Variants in MAOA observed in about 807,000 individuals in gnomAD.
MAOA encodes the protein amine oxidase [flavin-containing] A.
Under a neutral mutation model 42.0 loss-of-function variants are expected in MAOA, and 6 were observed. The observed-to-expected ratio is 0.14, with a 90% CI of 0.08 to 0.28. The LOEUF is 0.28. MAOA is among the 10% of genes least tolerant of loss of function. The pLI is 1.00. For missense variants in MAOA, 262 were observed against 422.3 expected (o/e 0.62, Z 3.33); for synonymous variants, 140 against 154.0 (o/e 0.91, Z 0.67).
At position 43,684,581 on chromosome X, in the gene MAOA, G is replaced by A. The variant is rs1180763767; in HGVS notation, c.168+974G>A. ...AAAACAAAACAAAACAAAAACCCTC[G>A]CATTTGACAGAAGTTCATTAATTAA... On this transcript the variant is annotated intron_variant, in intron 2 of 14. Transcript: ENST00000338702. Among the ~76,000 whole-genome samples, 4 of 98,733 alleles carry A rather than the reference G, an allele frequency of 4.1e-5. No homozygotes were observed. In the Admixed American group the frequency reaches 4.4e-4, roughly 11 times the overall value. The allele number at this position is 98,733 out of a possible 115,157, so 85.7% of individuals were successfully genotyped here.
Position 43,742,340 on chromosome X carries a change from T to C in MAOA, c.1262+293T>C, listed in dbSNP as rs767039645. The stretch of plus-strand genomic sequence containing the variant: ...TCCAAGGGGACTTCGTGAGCTCAAC[T>C]TGACATTTAGTCTCACATGACTGCC... On this transcript the variant is annotated intron_variant, in intron 12 of 14. Transcript: ENST00000338702. 4.4e-5 allele frequency among the ~76,000 whole-genome samples: 5 copies of C among 112,426 alleles called. No individual in the cohort carries two copies. In the South Asian group the frequency reaches 1.9e-3, roughly 42 times the overall value.
chrX:43,655,387 C>T (rs929508631), upstream of MAOA: 5 of 112,381 alleles, frequency 4.4e-5, no homozygotes, highest in African/African-American at 1.6e-4. Flanking sequence ...GCCGAGGCCG[C>T]CTCCTGGAGC....
chrX:43,732,561 G>GATATA, intron 8 of MAOA, 138 bp from the exon 9 acceptor site: 3 of 492,351 alleles, frequency 6.1e-6, no homozygotes, highest in Non-Finnish European at 1.1e-5. Context: ...TATTTAACAA[G>GATATA]ACATGTAGGG....
chrX:43,714,758 G>A (rs963364688), intron 5 of MAOA, among the ~76,000 whole-genome samples: 30 of 97,299 alleles, frequency 3.1e-4, no homozygotes, highest in Non-Finnish European at 5.7e-4. Flanking sequence ...AGGGGAAACA[G>A]GCAACATTAG....
In MAOA at chrX:43,744,441, C is replaced by G; in HGVS notation, c.1512C>G (p.Ile504Met). 8.3e-7 allele frequency: 1 copy of G among 1,209,549 alleles called. No homozygotes were observed. The highest frequency in any genetic ancestry group is 1.1e-6 in the Non-Finnish European group (1 of 893,729). The change falls in exon 15 of 15, where the codon ATC becomes ATG. Residue 504 changes from isoleucine to methionine, a missense_variant. Ile to Met is a conservative substitution (Grantham distance 10). This residue lies in a region of MAOA where 35 missense variants were observed against 36.4 expected (regional missense o/e 0.96). Coordinates refer to ENST00000338702, the MANE Select transcript of MAOA (RefSeq NM_000240.4). ...CCTCTGTTTCTGGCCTGCTGAAGAT[C>G]ATTGGATTTTCCACATCAGTAACTG... Reference protein sequence around the residue: ...NLPSVSGLLKIIGFSTSVTAL... With the variant: ...NLPSVSGLLKMIGFSTSVTAL...
At chrX:43,696,731 G>A (rs1405122421) in intron 3 of MAOA, among the ~76,000 whole-genome samples, 3 of 97,368 alleles carry the variant, frequency 3.1e-5, no homozygotes, top group Admixed American at 1.1e-4. Context: ...GCGAGACTCC[G>A]TCTCAAAAAA....
At chrX:43,697,910 C>T (rs1160527328) in intron 3 of MAOA, among the ~76,000 whole-genome samples, 1 of 112,088 alleles carries the variant, frequency 8.9e-6, no homozygotes, top group Non-Finnish European at 1.9e-5. Context: ...CTAAAAGTAA[C>T]TCTACTTATT....
chrX:43,683,548 G>T lies in MAOA; in HGVS notation c.109G>T (p.Val37Phe). 1.7e-6 allele frequency: 2 copies of T among 1,210,998 alleles called. No homozygotes were observed. The highest frequency in any genetic ancestry group is 1.1e-6 in the Non-Finnish European group (1 of 894,822). ...SAAKLLTEYG[V>F]SVLVLEARDR... ...TGCCAAACTCTTGACTGAATATGGC[G>T]TTAGTGTTTTGGTTTTAGAAGCTCG... Residue 37 changes from valine to phenylalanine, a missense_variant, in exon 2 of 15, where the codon GTT (valine) becomes TTT (phenylalanine). Transcript: ENST00000338702.
At chrX:43,669,942 C>T (rs1423862020) in intron 1 of MAOA, among the ~76,000 whole-genome samples, 2 of 111,692 alleles carry the variant, frequency 1.8e-5, no homozygotes, top group Non-Finnish European at 3.8e-5. Flanking sequence ...ACATGATCAA[C>T]AATACCAACC....
intron 11 of MAOA, among the ~76,000 whole-genome samples, chrX:43,741,349 T>C (rs1412446867): frequency 2.7e-5 from 3 of 111,506 alleles, no homozygotes; most frequent in South Asian, 3.8e-4. Flanking sequence ...ACTGTTCAAA[T>C]AATAAACTTT....
chrX:43,675,492 G>A (rs1042732148), intron 1 of MAOA, among the ~76,000 whole-genome samples: 19 of 112,641 alleles, frequency 1.7e-4, no homozygotes, highest in East Asian at 2.8e-4. Flanking sequence ...GAGGAACTGC[G>A]TTCCTTTGGA....
At position 43,683,599 on chromosome X, in the gene MAOA, A is replaced by G; in HGVS notation, c.160A>G (p.Thr54Ala). The G allele has an allele frequency of 8.4e-7, 1 of 1,188,264 alleles. No individual in the cohort carries two copies. Among genetic ancestry groups the G allele is most frequent in the Non-Finnish European group, 1.1e-6 (1 of 874,490 alleles). The change falls in exon 2 of 15, where the codon ACT becomes GCT. Residue 54 changes from threonine (T) to alanine (A), a missense_variant. Around this residue, in one of 3 missense-constraint regions of MAOA, gnomAD observed 141 missense variants for 195.6 expected, o/e 0.72. Coordinates refer to ENST00000338702, the MANE Select transcript of MAOA (RefSeq NM_000240.4). ...ARDRVGGRTY[T>A]IRNEHVDYVD... ...GGACAGGGTTGGAGGAAGAACATAT[A>G]CTATAAGGGTAAGTGATTTTAATAC...
chrX:43,742,901 TG>T (rs1214287970), intron 12 of MAOA, among the ~76,000 whole-genome samples: 2 of 56,797 alleles, frequency 3.5e-5, no homozygotes, highest in African/African-American at 1.1e-4. Context: ...GTTTTTAGTC[TG>T]TTTTTTTTTC....
chrX:43,743,914 G>A lies in MAOA; in HGVS notation c.1374+9G>A. The A allele has an allele frequency of 8.6e-7, 1 of 1,168,618 alleles. No individual in the cohort carries two copies. The highest frequency in any genetic ancestry group is 1.1e-6 in the Non-Finnish European group (1 of 873,589). On this transcript the variant is annotated intron_variant, in intron 13 of 14. Coordinates refer to ENST00000338702, the MANE Select transcript of MAOA (RefSeq NM_000240.4). Reference sequence around the variant, plus strand: ...AACGAGCAGCTAGGGAGGTAAGCAGGAAAGCCCAGGCTCTCTCCCTCCCGA... The same window carrying A: ...AACGAGCAGCTAGGGAGGTAAGCAGAAAAGCCCAGGCTCTCTCCCTCCCGA...
At chrX:43,665,077 A>T (rs767689716) in intron 1 of MAOA, among the ~76,000 whole-genome samples, 1 of 112,032 alleles carries the variant, frequency 8.9e-6, no homozygotes, top group South Asian at 3.7e-4. Flanking sequence ...AGGCAGGTAT[A>T]CACCATAGCT....
chrX:43,736,358 A>G, intron 10 of MAOA, 78 bp downstream of exon 10: 1 of 638,314 alleles, frequency 1.6e-6, no homozygotes. Flanking sequence ...GTAGAATAAC[A>G]TGAGGAAAAA....
intron 1 of MAOA, among the ~76,000 whole-genome samples, chrX:43,665,814 A>C (rs1283751960): frequency 1.3e-5 from 1 of 74,550 alleles, no homozygotes; most frequent in Non-Finnish European, 2.9e-5. Flanking sequence ...TATAGATTAG[A>C]TAGATAGATA....
chrX:43,718,117 G>T (rs2033758946), intron 5 of MAOA, among the ~76,000 whole-genome samples: 1 of 109,496 alleles, frequency 9.1e-6, no homozygotes, highest in Non-Finnish European at 1.9e-5. Context: ...GACAGTGGTG[G>T]GGGTGGCAGA....
At chrX:43,672,254 T>C (rs759281521) in intron 1 of MAOA, among the ~76,000 whole-genome samples, 1 of 111,696 alleles carries the variant, frequency 9.0e-6, no homozygotes, top group East Asian at 2.8e-4. Flanking sequence ...TGTCTGTTAT[T>C]GGTATATAAG....
Sources: allele counts gnomAD v4.1 joint callset (sites outside exome capture counted in the v4.1 genomes callset), GRCh38; gene constraint gnomAD v4.1.1; regional missense constraint gnomAD v4.1.1; transcripts MANE v1.5; gene names NCBI Gene and HGNC (gene_info 2026-07-23, HGNC 2026-07-21).